Variants in PPP3CA observed in about 807,000 individuals in gnomAD.
PPP3CA encodes the protein CAM-PRP catalytic subunit.
PPP3CA carries 14 observed loss-of-function variants against 66.5 expected under a neutral mutation model. The observed-to-expected ratio is 0.21, with a 90% CI of 0.14 to 0.33. The LOEUF is 0.33. PPP3CA is among the 10% of genes least tolerant of loss of function. The pLI is 1.00. For synonymous variants in PPP3CA, 232 were observed against 226.2 expected, an observed-to-expected ratio of 1.03 and a Z score of -0.23; for missense variants, 317 against 639.5, an observed-to-expected ratio of 0.50 and a Z score of 5.44.
intron 1 of PPP3CA, among the ~76,000 whole-genome samples, chr4:101,316,547 GTAAAGC>G (rs1414293531): frequency 6.6e-6 from 1 of 152,110 alleles, no homozygotes; most frequent in Non-Finnish European, 1.5e-5. Flanking sequence ...GTTGGTTTAG[GTAAAGC>G]TAAGTTCTGC....
At chr4:101,161,513 T>G (rs1023233303) in intron 2 of PPP3CA, among the ~76,000 whole-genome samples, 1 of 152,172 alleles carries the variant, frequency 6.6e-6, no homozygotes, top group African/African-American at 2.4e-5. Context: ...TGGGAGGAAG[T>G]TGGCAGTAAG....
chr4:101,034,359 T>A (rs1727146269), intron 11 of PPP3CA, among the ~76,000 whole-genome samples: 1 of 152,162 alleles, frequency 6.6e-6, no homozygotes, highest in Non-Finnish European at 1.5e-5. Flanking sequence ...AAAATAATAA[T>A]AATCCCTTTC....
At chr4:101,231,479 C>A (rs1725961339) in intron 1 of PPP3CA, among the ~76,000 whole-genome samples, 1 of 151,644 alleles carries the variant, frequency 6.6e-6, no homozygotes, top group African/African-American at 2.4e-5. Context: ...CAAGTTAAGT[C>A]TCATTTGACT....
intron 1 of PPP3CA, among the ~76,000 whole-genome samples, chr4:101,252,641 T>C (rs1055720208): frequency 1.6e-4 from 24 of 152,170 alleles, no homozygotes; most frequent in African/African-American, 5.5e-4. Context: ...CTGAAGACCA[T>C]ATATTCATCA....
At chr4:101,276,337 T>C (rs1424345929) in intron 1 of PPP3CA, among the ~76,000 whole-genome samples, 1 of 152,182 alleles carries the variant, frequency 6.6e-6, no homozygotes, top group East Asian at 1.9e-4. Context: ...TGAGAAGTAA[T>C]TGGTGTCAAG....
At chr4:101,305,033 T>C (rs917847138) in intron 1 of PPP3CA, among the ~76,000 whole-genome samples, 14 of 152,184 alleles carry the variant, frequency 9.2e-5, no homozygotes, top group South Asian at 2.1e-4. Flanking sequence ...GCACAATAAA[T>C]AAACAATGAG....
At chr4:101,079,633 A>C (rs1729350645) in intron 8 of PPP3CA, among the ~76,000 whole-genome samples, 1 of 151,992 alleles carries the variant, frequency 6.6e-6, no homozygotes. Context: ...CATTTCTCTT[A>C]ATCTCAGAAA....
intron 10 of PPP3CA, among the ~76,000 whole-genome samples, chr4:101,047,945 T>C (rs2110215694): frequency 6.6e-6 from 1 of 152,244 alleles, no homozygotes; most frequent in South Asian, 2.1e-4. Context: ...TATTCATAAA[T>C]ATTAAAATGC....
intron 10 of PPP3CA, among the ~76,000 whole-genome samples, chr4:101,051,126 T>C (rs1365286727): frequency 6.6e-6 from 1 of 152,152 alleles, no homozygotes; most frequent in Non-Finnish European, 1.5e-5. Context: ...TACATTTCTA[T>C]TTCTACAGAG....
intron 2 of PPP3CA, among the ~76,000 whole-genome samples, chr4:101,139,264 G>A (rs1343950156): frequency 6.6e-6 from 1 of 151,252 alleles, no homozygotes; most frequent in Non-Finnish European, 1.5e-5. Context: ...GGAGAATGGT[G>A]TGAACCCAGG....
chr4:101,098,870 C>T (rs1001197170), intron 4 of PPP3CA, among the ~76,000 whole-genome samples: 7 of 152,062 alleles, frequency 4.6e-5, no homozygotes, highest in African/African-American at 1.7e-4. Context: ...CTTGATATTC[C>T]TTAACGATTT....
chr4:101,044,715 C>A (rs956696721), intron 10 of PPP3CA, among the ~76,000 whole-genome samples: 1 of 152,108 alleles, frequency 6.6e-6, no homozygotes, highest in Non-Finnish European at 1.5e-5. Flanking sequence ...AGAATCTAAG[C>A]AACCCTGAAA....
intron 1 of PPP3CA, among the ~76,000 whole-genome samples, chr4:101,300,379 C>G (rs1728337097): frequency 6.6e-6 from 1 of 152,204 alleles, no homozygotes; most frequent in South Asian, 2.1e-4. Flanking sequence ...GTATTCCTAA[C>G]ACATAAAGGA....
intron 1 of PPP3CA, among the ~76,000 whole-genome samples, chr4:101,295,425 T>C (rs1306801560): frequency 1.3e-5 from 2 of 152,226 alleles, no homozygotes; most frequent in Non-Finnish European, 2.9e-5. Context: ...TTTTCTATTT[T>C]GTACATAAAG....
chr4:101,116,166 T>C (rs886803495), intron 2 of PPP3CA, among the ~76,000 whole-genome samples: 1 of 151,978 alleles, frequency 6.6e-6, no homozygotes, highest in Non-Finnish European at 1.5e-5. Flanking sequence ...ATACAAGTTT[T>C]TCCAGTTCAT....
chr4:101,185,835 A>G (rs1021372666), intron 2 of PPP3CA, among the ~76,000 whole-genome samples: 9 of 151,486 alleles, frequency 5.9e-5, no homozygotes, highest in African/African-American at 2.2e-4. Flanking sequence ...CAGGCTGTGG[A>G]CAGCCTAAGT....
intron 2 of PPP3CA, among the ~76,000 whole-genome samples, chr4:101,149,504 A>G (rs1200510560): frequency 6.6e-6 from 1 of 152,200 alleles, no homozygotes; most frequent in Non-Finnish European, 1.5e-5. Flanking sequence ...ATTTTGCTAG[A>G]ATAAGTTTGA....
At chr4:101,217,313 T>G (rs1725488919) in intron 1 of PPP3CA, among the ~76,000 whole-genome samples, 1 of 152,150 alleles carries the variant, frequency 6.6e-6, no homozygotes, top group Admixed American at 6.6e-5. Flanking sequence ...CACTCTACTA[T>G]TAAGTAGCAG....
chr4:101,182,942 G>A (rs759657409), intron 2 of PPP3CA, among the ~76,000 whole-genome samples: 3 of 152,048 alleles, frequency 2.0e-5, no homozygotes, highest in Non-Finnish European at 4.4e-5. Context: ...TTTCCACCAC[G>A]ATTGTGAGGC....
Sources: gnomAD v4.1 joint callset for allele counts (sites outside exome capture counted in the v4.1 genomes callset) on GRCh38, gnomAD v4.1.1 for gene constraint, MANE v1.5 for transcripts, NCBI Gene and HGNC (gene_info 2026-07-23, HGNC 2026-07-21) for gene names.